TRIM44: variants seen among roughly 807,000 people sequenced by gnomAD.
TRIM44 encodes the protein tripartite motif containing 44.
TRIM44 carries 13 observed loss-of-function variants against 37.4 expected under a neutral mutation model. The observed-to-expected ratio is 0.35, with a 90% CI of 0.23 to 0.55. The LOEUF (loss-of-function observed/expected upper bound fraction) is 0.55, where lower values mean the gene tolerates loss of function less well. Ranked by LOEUF, TRIM44 falls within the 20% of genes least tolerant of loss-of-function variation. The probability of loss-of-function intolerance (pLI) is 0.89; values close to 1 mark genes in which losing one functional copy is unlikely to be tolerated. For missense variants in TRIM44, 426 were observed against 437.2 expected (o/e 0.97, Z 0.23); for synonymous variants, 175 against 157.2 (o/e 1.11, Z -0.85).
chr11:35,779,084 T>A (rs1437546276), intron 4 of TRIM44, among the ~76,000 whole-genome samples: 1 of 152,208 alleles, frequency 6.6e-6, no homozygotes, highest in Non-Finnish European at 1.5e-5. Context: ...TGAGCTGCAG[T>A]GGGCTCTACC....
At chr11:35,798,395 C>T (rs1363339676) in intron 4 of TRIM44, among the ~76,000 whole-genome samples, 1 of 151,992 alleles carries the variant, frequency 6.6e-6, no homozygotes, top group African/African-American at 2.4e-5. Flanking sequence ...TTTTGGGGTC[C>T]CGAGATTTAT....
Position 35,663,296 on chromosome 11 carries a change from A to G in TRIM44, c.185A>G (p.His62Arg), listed in dbSNP as rs944662115. The change falls in exon 1 of 5, where the codon CAC becomes CGC. Residue 62 changes from histidine (H) to arginine (R), a missense_variant. Physicochemically the swap from His to Arg is conservative, Grantham distance 29. Around this residue, in one of 2 missense-constraint regions of TRIM44, gnomAD observed 331 missense variants for 303.0 expected, o/e 1.09. Coordinates refer to ENST00000299413, the MANE Select transcript of TRIM44 (RefSeq NM_017583.6). Reference protein sequence around the residue: ...FLSHHLAEYVHGSQAWTPPAD... With the variant: ...FLSHHLAEYVRGSQAWTPPAD... The stretch of plus-strand genomic sequence containing the variant: ...AGTCACCATCTGGCCGAATACGTCC[A>G]CGGCTCCCAGGCCTGGACCCCGCCA... The G allele has an allele frequency of 6.2e-6, 10 of 1,614,080 alleles. No homozygotes were observed. The highest frequency in any genetic ancestry group is 1.3e-5 in the African/African-American group (1 of 75,024).
In TRIM44 at chr11:35,663,654, C is replaced by T; in HGVS notation, c.543C>T (p.Asp181=). The T allele has an allele frequency of 6.2e-7, 1 of 1,614,068 alleles. No homozygotes were observed. The highest frequency in any genetic ancestry group is 2.2e-5 in the East Asian group (1 of 44,844). ...GAGTGGCCAAGAGGAAGTGTCCGGA[C>T]CATGGGCTTGATTTGAGTACCTATT... The part of the protein sequence containing the change: ...AERVAKRKCP[D]HGLDLSTYCQ... The change falls in exon 1 of 5, where the codon GAC becomes GAT. Residue 181 remains aspartate, a synonymous_variant. Coordinates refer to ENST00000299413, the MANE Select transcript of TRIM44 (RefSeq NM_017583.6).
intron 2 of TRIM44, among the ~76,000 whole-genome samples, chr11:35,699,344 A>G (rs1195507871): frequency 6.6e-6 from 1 of 152,216 alleles, no homozygotes; most frequent in Non-Finnish European, 1.5e-5. Flanking sequence ...AGAACCAAAG[A>G]CAAAAATTAC....
intron 4 of TRIM44, among the ~76,000 whole-genome samples, chr11:35,758,811 A>C (rs1435294784): frequency 6.6e-6 from 1 of 152,190 alleles, no homozygotes; most frequent in Non-Finnish European, 1.5e-5. Flanking sequence ...TTTCTTTAAG[A>C]ATGTTGAGTA....
At chr11:35,779,015 T>G (rs1853017629) in intron 4 of TRIM44, among the ~76,000 whole-genome samples, 1 of 152,228 alleles carries the variant, frequency 6.6e-6, no homozygotes, top group Non-Finnish European at 1.5e-5. Context: ...TTCTGCTGCC[T>G]TTTGTTCAGC....
At chr11:35,699,734 C>G (rs953655372) in intron 2 of TRIM44, among the ~76,000 whole-genome samples, 2 of 151,098 alleles carry the variant, frequency 1.3e-5, no homozygotes, top group African/African-American at 4.9e-5. Flanking sequence ...CTCCTTAAGC[C>G]CATAGGCAAC....
In TRIM44 at chr11:35,813,259, C is replaced by G. The variant is rs1366529933; in HGVS notation, c.*6874C>G. ...TTTACCTATCCCTATTTCCTGAACACAAAATCTAAACCAGTGGTTTGACAA... is the reference window on the plus strand; with the variant it reads ...TTTACCTATCCCTATTTCCTGAACAGAAAATCTAAACCAGTGGTTTGACAA... On this transcript the variant is annotated 3_prime_UTR_variant, in exon 5 of 5. Coordinates refer to ENST00000299413, the MANE Select transcript of TRIM44 (RefSeq NM_017583.6). 1 of 152,192 alleles carries G rather than the reference C, an allele frequency of 6.6e-6. No homozygotes were observed. The highest frequency in any genetic ancestry group is 6.5e-5 in the Admixed American group (1 of 15,278). 9.4% of individuals were successfully genotyped at this position (152,192 alleles called of 1,614,324 possible). A position where few individuals can be genotyped will look rare whatever the true frequency, so the allele number is the denominator to read the frequency against.
chr11:35,748,493 C>G lies in TRIM44; in HGVS notation c.1007+13048C>G, dbSNP rs116323694. On this transcript the variant is annotated intron_variant, in intron 4 of 4. Transcript: ENST00000299413. ...AAACATGCTATTAATATTCTCATAA[C>G]AGACTCAGAGATGTTCAGTACCTTG... 6.8e-3 allele frequency among the ~76,000 whole-genome samples: 1,035 copies of G among 152,264 alleles called. 9 individuals carry two copies. Among genetic ancestry groups the G allele is most frequent in the African/African-American group, 0.021 (882 of 41,542 alleles).
intron 1 of TRIM44, among the ~76,000 whole-genome samples, chr11:35,675,392 C>T (rs1436127736): frequency 6.6e-6 from 1 of 152,162 alleles, no homozygotes; most frequent in African/African-American, 2.4e-5. Flanking sequence ...TGTAGGCAGT[C>T]TAAGGTTGGC....
At chr11:35,699,459 A>G (rs980849924) in intron 2 of TRIM44, among the ~76,000 whole-genome samples, 6 of 152,158 alleles carry the variant, frequency 3.9e-5, no homozygotes, top group African/African-American at 9.7e-5. Context: ...ATCTCAAAAT[A>G]ATAAGAGCCA....
chr11:35,752,020 C>T (rs542916040), intron 4 of TRIM44, among the ~76,000 whole-genome samples: 11 of 152,172 alleles, frequency 7.2e-5, no homozygotes, highest in Non-Finnish European at 1.3e-4. Flanking sequence ...CTTTGCTGTC[C>T]TAGCTACTTT....
intron 2 of TRIM44, among the ~76,000 whole-genome samples, chr11:35,706,441 C>A (rs1403988506): frequency 6.6e-6 from 1 of 152,124 alleles, no homozygotes; most frequent in East Asian, 1.9e-4. Context: ...ATACCAAAAC[C>A]GGGCAGAGAT....
intron 2 of TRIM44, among the ~76,000 whole-genome samples, chr11:35,722,702 A>T (rs570442406): frequency 3.0e-4 from 46 of 152,278 alleles, no homozygotes; most frequent in Admixed American, 2.8e-3. Flanking sequence ...TTTACTGCAA[A>T]CGTGCTTTAT....
chr11:35,721,773 T>A (rs992923677), intron 2 of TRIM44, among the ~76,000 whole-genome samples: 1 of 152,228 alleles, frequency 6.6e-6, no homozygotes, highest in African/African-American at 2.4e-5. Context: ...AGAGTTTATG[T>A]CTACCGTGTT....
At chr11:35,681,621 A>G (rs16927846) in intron 1 of TRIM44, among the ~76,000 whole-genome samples, 1,940 of 152,294 alleles carry the variant, frequency 0.013, 44 homozygotes, top group African/African-American at 0.044. Flanking sequence ...ATGTGCCCCA[A>G]GGATTGACAA....
intron 4 of TRIM44, among the ~76,000 whole-genome samples, chr11:35,746,646 G>A (rs1019378832): frequency 2.6e-5 from 4 of 151,928 alleles, no homozygotes; most frequent in Non-Finnish European, 5.9e-5. Context: ...AGAACTGTAG[G>A]GAGGTGGCTT....
rs534011258 is a variant in TRIM44, at chr11:35,779,434, G to A, written c.1008-26924G>A. Among the ~76,000 whole-genome samples, 22 of 152,124 alleles carry A rather than the reference G, an allele frequency of 1.4e-4. No homozygotes were observed. In the South Asian group the frequency reaches 1.9e-3, roughly 13 times the overall value. Reference sequence around the variant, plus strand: ...CCCACCCTGCTTCAGCTCACACTCCGTGAGCTGCACCCACTGTCCGACAAG... The same window carrying A: ...CCCACCCTGCTTCAGCTCACACTCCATGAGCTGCACCCACTGTCCGACAAG... On this transcript the variant is annotated intron_variant, in intron 4 of 4. Coordinates refer to ENST00000299413, the MANE Select transcript of TRIM44 (RefSeq NM_017583.6).
At chr11:35,732,527 C>T (rs1244198878) in intron 3 of TRIM44, among the ~76,000 whole-genome samples, 1 of 152,106 alleles carries the variant, frequency 6.6e-6, no homozygotes, top group Non-Finnish European at 1.5e-5. Flanking sequence ...GCGGTGAATA[C>T]AGAAATGAGC....
Sources: allele counts gnomAD v4.1 joint callset (sites outside exome capture counted in the v4.1 genomes callset), GRCh38; gene constraint gnomAD v4.1.1; regional missense constraint gnomAD v4.1.1; transcripts MANE v1.5; gene names NCBI Gene and HGNC (gene_info 2026-07-23, HGNC 2026-07-21).